AUP1: variants seen among roughly 807,000 people sequenced by gnomAD.
AUP1 encodes AUP1 lipid droplet regulating VLDL assembly factor, also known as lipid droplet-regulating VLDL assembly factor AUP1.
A neutral mutation model predicts 51.8 loss-of-function variants in AUP1; 30 were observed. That is an observed-to-expected ratio of 0.58 (90% CI 0.43 to 0.79). The LOEUF is 0.79. Ranked by LOEUF, AUP1 falls within the 30% of genes least tolerant of loss-of-function variation. The pLI is 0.00. For synonymous variants in AUP1, 227 were observed against 209.0 expected, an observed-to-expected ratio of 1.09 and a Z score of -0.74; for missense variants, 492 against 517.1, an observed-to-expected ratio of 0.95 and a Z score of 0.47.
In AUP1 at chr2:74,526,849, G is replaced by C. The variant is rs1675209600; in HGVS notation, c.1197-13C>G. The C allele has an allele frequency of 8.2e-6, 13 of 1,580,246 alleles. No individual in the cohort carries two copies. Among genetic ancestry groups the C allele is most frequent in the Non-Finnish European group, 1.1e-5 (13 of 1,160,200 alleles). ...CTCTGTGAATCTCCTGTGGGACATA[G>C]GGAGAGATATTATTCAGGCTTTGCC... On this transcript the variant is annotated splice_polypyrimidine_tract_variant and intron_variant, in intron 11 of 11. Coordinates refer to ENST00000377526, the MANE Select transcript of AUP1 (RefSeq NM_181575.5).
chr2:74,526,748 C>T lies in AUP1; in HGVS notation c.*52G>A, dbSNP rs1442629342. 3 of 1,512,730 alleles carry T rather than the reference C, an allele frequency of 2.0e-6. No homozygotes were observed. The highest frequency in any genetic ancestry group is 1.4e-5 in the African/African-American group (1 of 71,594). The allele number at this position is 1,512,730 out of a possible 1,614,324, so 93.7% of individuals were successfully genotyped here. ...CAGCCTGTTGTGAGTTGGGTGAGGG[C>T]TGCCCCCAGTCTCCGTCCTGCGGCT... On this transcript the variant is annotated 3_prime_UTR_variant, in exon 12 of 12. Transcript: ENST00000377526.
In AUP1 at chr2:74,529,388, G is replaced by A. The variant is rs778434732; in HGVS notation, c.162C>T (p.Cys54=). The A allele has an allele frequency of 7.5e-6, 12 of 1,607,160 alleles. No individual in the cohort carries two copies. The African/African-American group carries it at 1.1e-4, about 14-fold the overall frequency. ...TGCGAAGGACGCTGTCTGGCAGCGC[G>A]CAGCTGACCAGGAAGACGTGGATCC... ...FLGIHVFLVS[C]ALPDSVLRRF... Residue 54 remains cysteine, a synonymous_variant, in exon 2 of 12, where the codon TGC becomes TGT. Coordinates refer to ENST00000377526, the MANE Select transcript of AUP1 (RefSeq NM_181575.5).
chr2:74,529,473 AG>A lies in AUP1; in HGVS notation c.76del (p.Leu26SerfsTer40). 6.4e-7 allele frequency: 1 copy of A among 1,555,966 alleles called. No individual in the cohort carries two copies. The highest frequency in any genetic ancestry group is 8.7e-7 in the Non-Finnish European group (1 of 1,148,274). On this transcript the variant is annotated frameshift_variant, in exon 2 of 12. Coordinates refer to ENST00000377526, the MANE Select transcript of AUP1 (RefSeq NM_181575.5). LOFTEE classifies it high-confidence loss of function. Reference protein sequence around the residue: ...HRLPGDCFLLLVLLLYAPVGF... With the variant: ...HRLPGDCFLLXVLLLYAPVGF... ...GACTGGCGCGTAGAGCAGCAGCACG[AG>A]CAGTAGGAAGCAGTCACCCGGAAGC...
Position 74,527,312 on chromosome 2 carries a change from A to G in AUP1, c.1013T>C (p.Val338Ala), listed in dbSNP as rs1401561381. 2 of 1,614,066 alleles carry G rather than the reference A, an allele frequency of 1.2e-6. No individual in the cohort carries two copies. Among genetic ancestry groups the G allele is most frequent in the South Asian group, 2.2e-5 (2 of 91,068 alleles). The stretch of plus-strand genomic sequence containing the variant: ...GGTGATGTCTTCAGGCATGAAAGCT[A>G]CGGCCCCCTCAAGCAGATTAGTGAT... Reference protein sequence around the residue: ...LTITNLLEGAVAFMPEDITKG... With the variant: ...LTITNLLEGAAAFMPEDITKG... Residue 338 changes from valine to alanine, a missense_variant, in exon 10 of 12, where the codon GTA becomes GCA. By Grantham distance (64) the Val-to-Ala change is moderately conservative. Coordinates refer to ENST00000377526, the MANE Select transcript of AUP1 (RefSeq NM_181575.5).
At position 74,527,539 on chromosome 2, in the gene AUP1, G is replaced by C; in HGVS notation, c.893C>G (p.Ala298Gly). 1 of 1,613,930 alleles carries C rather than the reference G, an allele frequency of 6.2e-7. No homozygotes were observed. The highest frequency in any genetic ancestry group is 8.5e-7 in the Non-Finnish European group (1 of 1,179,944). The part of the protein sequence containing the change: ...SPGPSPDVQL[A>G]TLAQRVKEVL... The stretch of plus-strand genomic sequence containing the variant: ...TTCCTTGACTCTCTGAGCCAGAGTT[G>C]CCAGTTGCACATCAGGAGAAGGACC... The change falls in exon 9 of 12, where the codon GCA (alanine) becomes GGA (glycine). Residue 298 changes from alanine (A) to glycine (G), a missense_variant. Coordinates refer to ENST00000377526, the MANE Select transcript of AUP1 (RefSeq NM_181575.5).
chr2:74,527,930 A>C lies in AUP1; in HGVS notation c.738+10T>G. On this transcript the variant is annotated intron_variant, in intron 7 of 11. Transcript: ENST00000377526. ...GACCCCGCCTCCACCCTGTCTGTGC[A>C]CCCGACCACCTGTTGTACACGGAGT... is the stretch of plus-strand genomic sequence containing the variant. 6.2e-7 allele frequency: 1 copy of C among 1,614,064 alleles called. No individual in the cohort carries two copies. Among genetic ancestry groups the C allele is most frequent in the Non-Finnish European group, 8.5e-7 (1 of 1,180,002 alleles).
At chr2:74,527,685 T>C (rs1174671082) in intron 8 of AUP1, 51 bp downstream of exon 8, 6 of 1,591,260 alleles carry the variant, frequency 3.8e-6, no homozygotes, top group Non-Finnish European at 5.1e-6. Context: ...GGAATCACAG[T>C]AGGCCGAAAA....
Position 74,527,309 on chromosome 2 carries a change from G to C in AUP1, c.1016C>G (p.Ala339Gly), listed in dbSNP as rs376976012. 3.1e-6 allele frequency: 5 copies of C among 1,614,132 alleles called. No homozygotes were observed. The highest frequency in any genetic ancestry group is 3.4e-6 in the Non-Finnish European group (4 of 1,180,032). Residue 339 changes from alanine (A) to glycine (G), a missense_variant, in exon 10 of 12, where the codon GCT becomes GGT. Coordinates refer to ENST00000377526, the MANE Select transcript of AUP1 (RefSeq NM_181575.5). ...CTTGGTGATGTCTTCAGGCATGAAA[G>C]CTACGGCCCCCTCAAGCAGATTAGT... ...TITNLLEGAV[A>G]FMPEDITKGT...
At position 74,528,495 on chromosome 2, in the gene AUP1, A is replaced by C. The variant is rs1340878140; in HGVS notation, c.525-6T>G. ...GGATAGAAAATGGCCAGGAACTAGA[A>C]GAGGAAGGAGAAAGTAGGATGGGAA... On this transcript the variant is annotated splice_region_variant and splice_polypyrimidine_tract_variant and intron_variant, in intron 4 of 11. Transcript: ENST00000377526. 6.2e-7 allele frequency: 1 copy of C among 1,610,930 alleles called. No homozygotes were observed. The highest frequency in any genetic ancestry group is 1.3e-5 in the African/African-American group (1 of 74,860).
Position 74,528,002 on chromosome 2 carries a change from GC to G in AUP1, c.675del (p.Trp225CysfsTer9). 6.2e-7 allele frequency: 1 copy of G among 1,614,226 alleles called. No homozygotes were observed. Among genetic ancestry groups the G allele is most frequent in the East Asian group, 2.2e-5 (1 of 44,894 alleles). The stretch of plus-strand genomic sequence containing the variant: ...CCTAGTTGGCGATGAACAGGACGAA[GC>G]CACCTGCAAAGAAACAATCCAGGGC... ...FVPFTVYQVRWLRPVHRQLGE... is the reference protein window; with the variant it reads ...FVPFTVYQVRXLRPVHRQLGE... On this transcript the variant is annotated frameshift_variant, in exon 7 of 12. Coordinates refer to ENST00000377526, the MANE Select transcript of AUP1 (RefSeq NM_181575.5). LOFTEE classifies it high-confidence loss of function.
In AUP1 at chr2:74,528,876, AT is replaced by A; in HGVS notation, c.398del (p.Asn133MetfsTer67). The A allele has an allele frequency of 6.2e-7, 1 of 1,614,150 alleles. No individual in the cohort carries two copies. The highest frequency in any genetic ancestry group is 8.5e-7 in the Non-Finnish European group (1 of 1,180,014). ...VCWSRGFMEM[N>X]GRGELVESLK... Reference sequence around the variant, plus strand: ...GTGACTCCACCAACTCCCCCCGCCCATTCATCTCCATGAAGCCCCGAGACCA... The same window carrying A: ...GTGACTCCACCAACTCCCCCCGCCCATCATCTCCATGAAGCCCCGAGACCA... On this transcript the variant is annotated frameshift_variant, in exon 4 of 12. Coordinates refer to ENST00000377526, the MANE Select transcript of AUP1 (RefSeq NM_181575.5). LOFTEE classifies it high-confidence loss of function.
chr2:74,529,372 C>G lies in AUP1; in HGVS notation c.178G>C (p.Val60Leu), dbSNP rs201225621. ...CGCCCGCGTCGGAACCTGCGAAGGACGCTGTCTGGCAGCGCGCAGCTGACC... is the reference window on the plus strand; with the variant it reads ...CGCCCGCGTCGGAACCTGCGAAGGAGGCTGTCTGGCAGCGCGCAGCTGACC... ...FLVSCALPDS[V>L]LRRFVVRTMC... Residue 60 changes from valine (V) to leucine (L), a missense_variant, in exon 2 of 12, where the codon GTC becomes CTC. Transcript: ENST00000377526. 1,783 of 1,610,764 alleles carry G rather than the reference C, an allele frequency of 1.1e-3. No homozygotes were observed. The highest frequency in any genetic ancestry group is 1.4e-3 in the Non-Finnish European group (1,648 of 1,178,406).
At position 74,529,572 on chromosome 2, in the gene AUP1, T is replaced by C; in HGVS notation, c.50+8A>G. ...CGGGGATCGGTCTCTTCCCGCCGGG[T>C]CTCTTACCGGTGCGAGTCAAAGAGC... On this transcript the variant is annotated splice_region_variant and intron_variant, in intron 1 of 11. Coordinates refer to ENST00000377526, the MANE Select transcript of AUP1 (RefSeq NM_181575.5). The C allele has an allele frequency of 6.4e-7, 1 of 1,561,318 alleles. No homozygotes were observed. Among genetic ancestry groups the C allele is most frequent in the Non-Finnish European group, 8.7e-7 (1 of 1,150,466 alleles).
chr2:74,528,445 A>T lies in AUP1; in HGVS notation c.569T>A (p.Leu190Gln). The T allele has an allele frequency of 6.2e-6, 10 of 1,613,818 alleles. No individual in the cohort carries two copies. Among genetic ancestry groups the T allele is most frequent in the Non-Finnish European group, 7.6e-6 (9 of 1,179,848 alleles). Residue 190 changes from leucine to glutamine, a missense_variant, in exon 5 of 12, where the codon CTG becomes CAG. Leu to Gln is a moderately radical substitution (Grantham distance 113, BLOSUM62 -2). Transcript: ENST00000377526. Reference protein sequence around the residue: ...SIQDVVQPLTLQVQRPLVSVT... With the variant: ...SIQDVVQPLTQQVQRPLVSVT... ...AGAGACCAGGGGTCTCTGAACTTGC[A>T]GGGTAAGAGGTTGTACCACATCTTG... is the stretch of plus-strand genomic sequence containing the variant.
Position 74,527,855 on chromosome 2 carries a change from G to A in AUP1, c.739-17C>T, listed in dbSNP as rs918235910. 5 of 1,613,736 alleles carry A rather than the reference G, an allele frequency of 3.1e-6. No individual in the cohort carries two copies. The highest frequency in any genetic ancestry group is 2.7e-5 in the African/African-American group (2 of 74,908). On this transcript the variant is annotated splice_polypyrimidine_tract_variant and intron_variant, in intron 7 of 11. Transcript: ENST00000377526. ...GGCCACCAGCTAGGGAGAATTGGAA[G>A]ACTGGAAGTGTCAAGATCTCAAGCT... is the stretch of plus-strand genomic sequence containing the variant.
rs1379370603 is a variant in AUP1 at position 74,527,285 on chromosome 2, T to C, written c.1040A>G (p.Lys347Arg). 1.9e-6 allele frequency: 3 copies of C among 1,613,936 alleles called. No homozygotes were observed. Among genetic ancestry groups the C allele is most frequent in the East Asian group, 2.2e-5 (1 of 44,890 alleles). The part of the protein sequence containing the change: ...AVAFMPEDIT[K>R]GTQSLPTASA... The stretch of plus-strand genomic sequence containing the variant: ...GGCTGTGGGTAGGGACTGAGTTCCC[T>C]TGGTGATGTCTTCAGGCATGAAAGC... The change falls in exon 10 of 12, where the codon AAG (lysine) becomes AGG (arginine). Residue 347 changes from lysine (K) to arginine (R), a missense_variant. By Grantham distance (26) the Lys-to-Arg change is conservative. Transcript: ENST00000377526.
In AUP1 at chr2:74,528,437, G is replaced by T. The variant is rs1212370893; in HGVS notation, c.577C>A (p.Gln193Lys). 3 of 1,613,772 alleles carry T rather than the reference G, an allele frequency of 1.9e-6. No homozygotes were observed. The highest frequency in any genetic ancestry group is 2.7e-5 in the African/African-American group (2 of 74,922). Residue 193 changes from glutamine to lysine, a missense_variant, in exon 5 of 12, where the codon CAG becomes AAG. Gln to Lys is a moderately conservative substitution (Grantham distance 53, BLOSUM62 1). Coordinates refer to ENST00000377526, the MANE Select transcript of AUP1 (RefSeq NM_181575.5). ...DVVQPLTLQVQRPLVSVTVSD... is the reference protein window; with the variant it reads ...DVVQPLTLQVKRPLVSVTVSD... ...CTCACCACAGAGACCAGGGGTCTCT[G>T]AACTTGCAGGGTAAGAGGTTGTACC...
chr2:74,528,260 A>G lies in AUP1; in HGVS notation c.659T>C (p.Val220Ala). The G allele has an allele frequency of 1.2e-6, 2 of 1,614,032 alleles. No homozygotes were observed. The highest frequency in any genetic ancestry group is 1.7e-6 in the Non-Finnish European group (2 of 1,179,922). ...GGACAGTTAATACCTTACTTGATACACCGTGAAAGGGACGAAAAGTGACCA... is the reference window on the plus strand; with the variant it reads ...GGACAGTTAATACCTTACTTGATACGCCGTGAAAGGGACGAAAAGTGACCA... ...LLWSLFVPFT[V>A]YQVRWLRPVH... Residue 220 changes from valine to alanine, a missense_variant, in exon 6 of 12, where the codon GTG becomes GCG. Physicochemically the swap from Val to Ala is moderately conservative, Grantham distance 64. Transcript: ENST00000377526.
At position 74,527,585 on chromosome 2, in the gene AUP1, A is replaced by C; in HGVS notation, c.847T>G (p.Ser283Ala). ...GGACCAGGGGAGGGAGGGAAAGAAG[A>C]CTGGGCTGTGGAAAAAGGAAAAAAA... is the stretch of plus-strand genomic sequence containing the variant. ...HPRLRPQSAQ[S>A]SFPPSPGPSP... is the part of the protein sequence containing the mutation. The change falls in exon 9 of 12, where the codon TCT becomes GCT. Residue 283 changes from serine to alanine, a missense_variant. Physicochemically the swap from Ser to Ala is moderately conservative, Grantham distance 99 (BLOSUM62 1). Transcript: ENST00000377526. 1 of 1,600,076 alleles carries C rather than the reference A, an allele frequency of 6.2e-7. No individual in the cohort carries two copies. The highest frequency in any genetic ancestry group is 8.5e-7 in the Non-Finnish European group (1 of 1,176,352).
Sources: gnomAD v4.1 joint callset for allele counts on GRCh38, gnomAD v4.1.1 for gene constraint, MANE v1.5 for transcripts, NCBI Gene and HGNC (gene_info 2026-07-23, HGNC 2026-07-21) for gene names.